EVI5: variants seen among roughly 807,000 people sequenced by gnomAD.
EVI5 encodes the protein ecotropic viral integration site 5.
A neutral mutation model predicts 112.0 loss-of-function variants in EVI5; 73 were observed. The observed-to-expected ratio is 0.65, with a 90% confidence interval of 0.54 to 0.79. EVI5 has a LOEUF of 0.79. EVI5 is among the 30% of genes least tolerant of loss of function. The pLI is 0.00. For synonymous variants in EVI5, 305 were observed against 319.9 expected, an observed-to-expected ratio of 0.95 and a Z score of 0.50; for missense variants, 900 against 968.8, an observed-to-expected ratio of 0.93 and a Z score of 0.94.
chr1:92,701,029 A>G (rs1220161198), intron 5 of EVI5: 1 of 152,228 alleles, frequency 6.6e-6, no homozygotes, highest in East Asian at 1.9e-4. Context: ...TTAGAAATCA[A>G]TAACCACTGG....
intron 9 of EVI5, among the ~76,000 whole-genome samples, chr1:92,682,625 C>T (rs1373012896): frequency 6.6e-6 from 1 of 152,118 alleles, no homozygotes; most frequent in Non-Finnish European, 1.5e-5. Context: ...ATTAGCTGGA[C>T]ATGGTGGCAT....
At chr1:92,581,481 C>T (rs1425994888) in intron 18 of EVI5, among the ~76,000 whole-genome samples, 1 of 152,190 alleles carries the variant, frequency 6.6e-6, no homozygotes. Context: ...CATTTTCCTT[C>T]TCTCCACATG....
chr1:92,731,680 G>A (rs1484324975), intron 2 of EVI5, among the ~76,000 whole-genome samples: 2 of 152,186 alleles, frequency 1.3e-5, no homozygotes, highest in Non-Finnish European at 2.9e-5. Context: ...GCAGTATAGT[G>A]CTAGTATTAA....
upstream of EVI5, among the ~76,000 whole-genome samples, chr1:92,788,315 A>G (rs1033922616): frequency 1.3e-5 from 2 of 148,408 alleles, no homozygotes; most frequent in Non-Finnish European, 3.0e-5. Context: ...ACTGAAATAC[A>G]AAAAAAAAAT....
chr1:92,617,700 A>G (rs892086199), intron 16 of EVI5, among the ~76,000 whole-genome samples: 2 of 152,186 alleles, frequency 1.3e-5, no homozygotes, highest in South Asian at 4.1e-4. Context: ...TGAGCCCTTG[A>G]TATGGCACCA....
intron 9 of EVI5, among the ~76,000 whole-genome samples, chr1:92,683,015 C>A (rs1022354129): frequency 6.6e-6 from 1 of 152,096 alleles, no homozygotes; most frequent in African/African-American, 2.4e-5. Flanking sequence ...TGACATTTAT[C>A]TTATTTATGG....
At chr1:92,618,955 G>C (rs1169645171) in intron 16 of EVI5, among the ~76,000 whole-genome samples, 1 of 152,178 alleles carries the variant, frequency 6.6e-6, no homozygotes, top group African/African-American at 2.4e-5. Flanking sequence ...GTGTTTCCAG[G>C]TGTACAAAGG....
intron 14 of EVI5, among the ~76,000 whole-genome samples, chr1:92,629,728 AATATAC>A (rs1425385128): frequency 1.4e-4 from 22 of 152,000 alleles, no homozygotes; most frequent in Non-Finnish European, 4.4e-5. Context: ...AGGTTTGTTA[AATATAC>A]ATACATGTGC....
chr1:92,696,360 T>C (rs887960909), intron 6 of EVI5, among the ~76,000 whole-genome samples: 2 of 152,136 alleles, frequency 1.3e-5, no homozygotes, highest in African/African-American at 4.8e-5. Context: ...ATGCCTGTAA[T>C]CCCAGCACTT....
chr1:92,526,524 T>G (rs1284196718), intron 19 of EVI5, among the ~76,000 whole-genome samples: 1 of 152,202 alleles, frequency 6.6e-6, no homozygotes, highest in East Asian at 1.9e-4. Context: ...AATATTAGTG[T>G]ATGAGGGTGT....
intron 1 of EVI5, among the ~76,000 whole-genome samples, chr1:92,771,288 C>T (rs530369074): frequency 3.6e-4 from 55 of 152,042 alleles, no homozygotes; most frequent in Admixed American, 5.9e-4. Flanking sequence ...GTTACTGGTC[C>T]CCAACATTCC....
intron 19 of EVI5, among the ~76,000 whole-genome samples, chr1:92,538,461 A>G (rs1664246770): frequency 6.6e-6 from 1 of 152,164 alleles, no homozygotes; most frequent in African/African-American, 2.4e-5. Context: ...TTCTATTTGG[A>G]TTGGATTCTG....
chr1:92,651,988 C>T (rs1662211298), intron 13 of EVI5, among the ~76,000 whole-genome samples: 1 of 152,106 alleles, frequency 6.6e-6, no homozygotes, highest in Admixed American at 6.5e-5. Context: ...AGCAACTCTA[C>T]TTCTAGGTAT....
At chr1:92,537,473 C>CA (rs1664088079) in intron 19 of EVI5, among the ~76,000 whole-genome samples, 1 of 151,962 alleles carries the variant, frequency 6.6e-6, no homozygotes, top group Non-Finnish European at 1.5e-5. Context: ...AGAGGCTTTA[C>CA]TTTTTTTTCC....
intron 13 of EVI5, among the ~76,000 whole-genome samples, chr1:92,636,819 T>C (rs1035957151): frequency 1.3e-5 from 2 of 152,332 alleles, no homozygotes; most frequent in Admixed American, 6.5e-5. Flanking sequence ...GATTTTTATA[T>C]TGATTACATT....
chr1:92,689,699 A>G (rs946601008), intron 9 of EVI5, among the ~76,000 whole-genome samples: 8 of 152,120 alleles, frequency 5.3e-5, no homozygotes, highest in African/African-American at 1.9e-4. Context: ...GCCGGGTTAG[A>G]CTATAGATTA....
intron 1 of EVI5, 41 bp from the exon 2 acceptor site, chr1:92,736,668 T>A: frequency 8.1e-7 from 1 of 1,231,808 alleles, no homozygotes; most frequent in Non-Finnish European, 1.2e-6. Flanking sequence ...TTAGTTACAC[T>A]GTATTCATTA....
At position 92,561,554 on chromosome 1, in the gene EVI5, ACTATCTAT is replaced by A. The variant is rs780599148; in HGVS notation, c.2166+2080_2166+2087del. Among the ~76,000 whole-genome samples the A allele has an allele frequency of 6.6e-3, 838 of 127,612 alleles. 2 individuals are homozygous for A. The highest frequency in any genetic ancestry group is 0.016 in the Middle Eastern group (4 of 254). The allele number at this position is 127,612 out of a possible 152,430, so 83.7% of individuals were successfully genotyped here. A position where few individuals can be genotyped will look rare whatever the true frequency, so the allele number is the denominator to read the frequency against. ...TTTTCTGGCAGTCCTGATGAGACTG[ACTATCTAT>A]CTATCTATCTATCTATCTATCTATC... On this transcript the variant is annotated intron_variant, in intron 19 of 19. Transcript: ENST00000684568.
At chr1:92,581,537 C>T (rs1313151280) in intron 18 of EVI5, among the ~76,000 whole-genome samples, 2 of 152,198 alleles carry the variant, frequency 1.3e-5, no homozygotes, top group Non-Finnish European at 2.9e-5. Flanking sequence ...CTTACACAGC[C>T]TGGAAATGGG....
Sources: allele counts gnomAD v4.1 joint callset (sites outside exome capture counted in the v4.1 genomes callset), GRCh38; gene constraint gnomAD v4.1.1; transcripts MANE v1.5; gene names NCBI Gene and HGNC (gene_info 2026-07-23, HGNC 2026-07-21).